ALK: variants seen among roughly 807,000 people sequenced by gnomAD.
ALK encodes ALK receptor tyrosine kinase, also known as ALK tyrosine kinase receptor.
Under a neutral mutation model 163.1 loss-of-function variants are expected in ALK, and 74 were observed. The ratio of observed to expected loss-of-function variants is 0.45; its 90% CI spans 0.38 to 0.55. The LOEUF is 0.55. Among genes scored for constraint, ALK ranks in the 20% least tolerant of loss-of-function variants. The probability of loss-of-function intolerance (pLI) is 0.00; values close to 1 mark genes in which losing one functional copy is unlikely to be tolerated. For missense variants in ALK, 2,063 were observed against 2,105.3 expected, an observed-to-expected ratio of 0.98 and a Z score of 0.39; for synonymous variants, 960 against 843.2, an observed-to-expected ratio of 1.14 and a Z score of -2.40.
intron 4 of ALK, among the ~76,000 whole-genome samples, chr2:29,505,758 A>G (rs1158807012): frequency 1.3e-5 from 2 of 150,300 alleles, no homozygotes; most frequent in African/African-American, 4.9e-5. Context: ...AAAGGCCAAC[A>G]CCAGCACCAT....
At chr2:29,225,418 C>T in intron 19 of ALK, 43 bp downstream of exon 19, 1 of 1,524,150 alleles carries the variant, frequency 6.6e-7, no homozygotes, top group Non-Finnish European at 9.0e-7. Flanking sequence ...TTCAGTCCTG[C>T]CTTCCTGCCC....
At chr2:29,876,946 C>A (rs530761699) in intron 1 of ALK, among the ~76,000 whole-genome samples, 1 of 152,294 alleles carries the variant, frequency 6.6e-6, no homozygotes, top group Non-Finnish European at 1.5e-5. Context: ...ATCCTTCCAT[C>A]TTTCTTAGCT....
chr2:29,362,876 T>C (rs775044716), intron 5 of ALK, among the ~76,000 whole-genome samples: 14 of 152,056 alleles, frequency 9.2e-5, no homozygotes, highest in Admixed American at 5.3e-4. Context: ...AGAAAAAACA[T>C]TGAATGAAAT....
chr2:29,222,227 A>C, intron 22 of ALK, 117 bp downstream of exon 22: 1 of 904,336 alleles, frequency 1.1e-6, no homozygotes, highest in Non-Finnish European at 1.8e-6. Flanking sequence ...ACTGGAGAAA[A>C]GGGGACATGC....
At chr2:29,363,858 T>C (rs1203595401) in intron 5 of ALK, among the ~76,000 whole-genome samples, 1 of 152,254 alleles carries the variant, frequency 6.6e-6, no homozygotes, top group East Asian at 1.9e-4. Flanking sequence ...TTTGAGAGCA[T>C]TGAGAGAATA....
At chr2:29,652,019 T>A (rs547608761) in intron 3 of ALK, among the ~76,000 whole-genome samples, 4 of 152,184 alleles carry the variant, frequency 2.6e-5, no homozygotes, top group South Asian at 2.1e-4. Context: ...TGGGAATTTT[T>A]AAAAAAATGA....
intron 4 of ALK, among the ~76,000 whole-genome samples, chr2:29,422,721 C>T (rs1469182374): frequency 6.6e-6 from 1 of 152,188 alleles, no homozygotes; most frequent in Non-Finnish European, 1.5e-5. Context: ...GCTATTTCTT[C>T]ATGAGAGTCC....
intron 3 of ALK, among the ~76,000 whole-genome samples, chr2:29,690,624 G>T (rs537054795): frequency 6.6e-6 from 1 of 152,128 alleles, no homozygotes; most frequent in African/African-American, 2.4e-5. Flanking sequence ...GGTTCTTCAA[G>T]ATTTTAGTAA....
chr2:29,884,918 C>T (rs547445013), intron 1 of ALK, among the ~76,000 whole-genome samples: 3 of 152,208 alleles, frequency 2.0e-5, no homozygotes, highest in African/African-American at 7.2e-5. Context: ...TTATGAGTAA[C>T]GAACAGAAGT....
chr2:29,822,549 C>T (rs1192115832), intron 1 of ALK, among the ~76,000 whole-genome samples: 1 of 152,212 alleles, frequency 6.6e-6, no homozygotes, highest in Admixed American at 6.5e-5. Flanking sequence ...TGGCTAATGC[C>T]CATCCCTGTT....
intron 1 of ALK, among the ~76,000 whole-genome samples, chr2:29,862,127 C>A (rs1255434083): frequency 6.6e-6 from 1 of 152,020 alleles, no homozygotes; most frequent in East Asian, 1.9e-4. Flanking sequence ...TGTACCTCAA[C>A]ACAATAAAAG....
At chr2:29,612,280 T>C (rs1218260000) in intron 3 of ALK, among the ~76,000 whole-genome samples, 1 of 152,232 alleles carries the variant, frequency 6.6e-6, no homozygotes, top group East Asian at 1.9e-4. Context: ...CCTTTCTAAA[T>C]ATAATTTGCA....
At chr2:29,411,101 C>G (rs1003365900) in intron 4 of ALK, among the ~76,000 whole-genome samples, 2 of 152,038 alleles carry the variant, frequency 1.3e-5, no homozygotes, top group African/African-American at 4.8e-5. Context: ...TTTTGTATTA[C>G]TTTTTAAACT....
intron 26 of ALK, among the ~76,000 whole-genome samples, chr2:29,205,433 C>CAAACA (rs1304268814): frequency 1.3e-5 from 2 of 151,358 alleles, no homozygotes; most frequent in African/African-American, 4.9e-5. Context: ...ACCAACCAAC[C>CAAACA]AAACAACCAC....
At chr2:29,715,725 G>A (rs1679230011) in intron 2 of ALK, among the ~76,000 whole-genome samples, 1 of 152,196 alleles carries the variant, frequency 6.6e-6, no homozygotes, top group African/African-American at 2.4e-5. Flanking sequence ...CTGAAGACCA[G>A]TTGTATCGCA....
At chr2:29,555,138 G>A (rs4556937) in intron 3 of ALK, among the ~76,000 whole-genome samples, 23,691 of 151,876 alleles carry the variant, frequency 0.16, 2,189 homozygotes, top group East Asian at 0.34. Context: ...TTACTCTATG[G>A]ACTCACCCTG....
intron 1 of ALK, among the ~76,000 whole-genome samples, chr2:29,808,315 G>A (rs1338744800): frequency 6.6e-6 from 1 of 152,110 alleles, no homozygotes; most frequent in Non-Finnish European, 1.5e-5. Flanking sequence ...CTATGAAGGT[G>A]GAGAGAAGAT....
At chr2:29,213,055 A>T (rs1044180042) in intron 24 of ALK, among the ~76,000 whole-genome samples, 15 of 152,240 alleles carry the variant, frequency 9.9e-5, no homozygotes, top group Non-Finnish European at 5.9e-5. Flanking sequence ...TATTTTAATT[A>T]TTATGAACAT....
In ALK at chr2:29,227,599, G is replaced by T; in HGVS notation, c.2889C>A (p.Gly963=). 1 of 1,614,074 alleles carries T rather than the reference G, an allele frequency of 6.2e-7. No individual in the cohort carries two copies. The highest frequency in any genetic ancestry group is 8.5e-7 in the Non-Finnish European group (1 of 1,179,984). ...EDGVSFISPL[G]ILYTPALKVM... ...CTTTTAAAGCTGGGGTGTACAGGAT[G>T]CCCAGTGGACTGATGAAGGAAACCC... Residue 963 remains glycine, a synonymous_variant, in exon 17 of 29, where the codon GGC becomes GGA. Transcript: ENST00000389048. The surrounding 1 kb of genome is among the most constrained non-coding windows in gnomAD (Gnocchi z 4.4).
Sources: allele counts gnomAD v4.1 joint callset (sites outside exome capture counted in the v4.1 genomes callset), GRCh38; gene constraint gnomAD v4.1.1; non-coding constraint Gnocchi (gnomAD v3.1); transcripts MANE v1.5; gene names NCBI Gene and HGNC (gene_info 2026-07-23, HGNC 2026-07-21).